Variants in CHODL observed in about 807,000 individuals in gnomAD.
The protein encoded by CHODL is transmembrane protein MT75.
Under a neutral mutation model 34.5 loss-of-function variants are expected in CHODL, and 29 were observed. The ratio of observed to expected loss-of-function variants is 0.84; its 90% CI spans 0.63 to 1.15. The LOEUF (loss-of-function observed/expected upper bound fraction) is 1.15, where lower values mean the gene tolerates loss of function less well. Among genes scored for constraint, CHODL ranks in the 50% most tolerant of loss-of-function variants. The probability of loss-of-function intolerance (pLI) is 0.00; values close to 1 mark genes in which losing one functional copy is unlikely to be tolerated. For missense variants in CHODL, 332 were observed against 332.5 expected (o/e 1.00, Z 0.01); for synonymous variants, 125 against 116.1 (o/e 1.08, Z -0.49).
chr21:18,143,487 T>C (rs1346326964), intron 2 of CHODL, among the ~76,000 whole-genome samples: 1 of 152,060 alleles, frequency 6.6e-6, no homozygotes, highest in Non-Finnish European at 1.5e-5. Context: ...AAATTGTGTT[T>C]AAAAAGTTTT....
chr21:17,967,395 TTTC>T (rs2063580901), intron 1 of CHODL, among the ~76,000 whole-genome samples: 1 of 152,220 alleles, frequency 6.6e-6, no homozygotes, highest in Non-Finnish European at 1.5e-5. Flanking sequence ...ACACATTCTT[TTTC>T]TTTCTGGCAT....
At chr21:17,933,273 G>A (rs1399116886) in intron 1 of CHODL, among the ~76,000 whole-genome samples, 2 of 152,160 alleles carry the variant, frequency 1.3e-5, no homozygotes, top group Admixed American at 6.5e-5. Context: ...CCATTTATGG[G>A]TGTCGGGCTG....
intron 2 of CHODL, among the ~76,000 whole-genome samples, chr21:18,205,793 G>C (rs963528414): frequency 6.7e-6 from 1 of 148,430 alleles, no homozygotes; most frequent in African/African-American, 2.5e-5. Context: ...CTGGAGTGCA[G>C]TGGTGCGATC....
At chr21:18,093,163 G>T (rs982372535) in intron 2 of CHODL, among the ~76,000 whole-genome samples, 2 of 152,122 alleles carry the variant, frequency 1.3e-5, no homozygotes, top group East Asian at 1.9e-4. Flanking sequence ...AACCTTACAG[G>T]CCAGGAGAGA....
intron 2 of CHODL, among the ~76,000 whole-genome samples, chr21:18,214,997 A>G (rs2073809982): frequency 6.6e-6 from 1 of 152,170 alleles, no homozygotes; most frequent in Admixed American, 6.5e-5. Context: ...ACAAGAAAAT[A>G]TAAGCAAAGA....
At chr21:18,168,556 G>T (rs1214981911) in intron 2 of CHODL, among the ~76,000 whole-genome samples, 4 of 152,086 alleles carry the variant, frequency 2.6e-5, no homozygotes, top group Non-Finnish European at 5.9e-5. Flanking sequence ...GTGCCTATTG[G>T]CCATTTGTAT....
intron 2 of CHODL, among the ~76,000 whole-genome samples, chr21:18,226,031 T>C (rs1436597924): frequency 1.3e-5 from 2 of 151,888 alleles, no homozygotes; most frequent in African/African-American, 2.4e-5. Flanking sequence ...ATCTAGCCCG[T>C]TGGGGAGAAA....
chr21:17,987,825 C>T (rs139969340), intron 1 of CHODL, among the ~76,000 whole-genome samples: 274 of 152,226 alleles, frequency 1.8e-3, no homozygotes, highest in Middle Eastern at 6.8e-3. Context: ...ATGAAAACTG[C>T]ACCACCTGCT....
chr21:18,130,073 G>C (rs1315474351), intron 2 of CHODL, among the ~76,000 whole-genome samples: 1 of 152,002 alleles, frequency 6.6e-6, no homozygotes, highest in Non-Finnish European at 1.5e-5. Flanking sequence ...GGGGCAAGTT[G>C]ATATCTATGT....
At chr21:18,008,653 A>G (rs2063982943) in intron 1 of CHODL, among the ~76,000 whole-genome samples, 1 of 152,152 alleles carries the variant, frequency 6.6e-6, no homozygotes, top group Non-Finnish European at 1.5e-5. Context: ...CTCTAGGTTT[A>G]TCCATATCTT....
chr21:18,122,975 C>T (rs566384328), intron 2 of CHODL, among the ~76,000 whole-genome samples: 1 of 152,214 alleles, frequency 6.6e-6, no homozygotes, highest in South Asian at 2.1e-4. Flanking sequence ...TATTTTACTT[C>T]CTATTTGAGA....
intron 2 of CHODL, among the ~76,000 whole-genome samples, chr21:18,093,030 A>G (rs2065092712): frequency 6.6e-6 from 1 of 152,188 alleles, no homozygotes; most frequent in African/African-American, 2.4e-5. Context: ...AAGACTACAT[A>G]TAGGAATTTA....
chr21:18,174,151 AT>A (rs2073273340), intron 2 of CHODL, among the ~76,000 whole-genome samples: 1 of 125,804 alleles, frequency 7.9e-6, no homozygotes, highest in African/African-American at 2.9e-5. Context: ...ATATATATAT[AT>A]ATATATATAA....
chr21:18,254,045 T>C (rs1433998969), intron 1 of CHODL, among the ~76,000 whole-genome samples: 2 of 152,138 alleles, frequency 1.3e-5, no homozygotes, highest in African/African-American at 4.8e-5. Flanking sequence ...AGTGTCATCA[T>C]AGGTCATTAA....
chr21:18,010,158 C>T (rs919458781), intron 1 of CHODL, among the ~76,000 whole-genome samples: 2 of 129,844 alleles, frequency 1.5e-5, no homozygotes, highest in African/African-American at 2.9e-5. Context: ...ATTAGCCGGG[C>T]GTGGTGGCGG....
chr21:17,982,925 A>G (rs2063725889), intron 1 of CHODL, among the ~76,000 whole-genome samples: 1 of 151,704 alleles, frequency 6.6e-6, no homozygotes, highest in Admixed American at 6.6e-5. Context: ...GGGTTTCACC[A>G]TGTTGGCCAG....
intron 1 of CHODL, among the ~76,000 whole-genome samples, chr21:18,016,018 T>C (rs2064069896): frequency 6.6e-6 from 1 of 152,182 alleles, no homozygotes; most frequent in Non-Finnish European, 1.5e-5. Context: ...GCAGCCTGAC[T>C]ATGGTAGGAA....
At chr21:17,969,095 C>G (rs1234920996) in intron 1 of CHODL, among the ~76,000 whole-genome samples, 2 of 152,160 alleles carry the variant, frequency 1.3e-5, no homozygotes, top group East Asian at 3.8e-4. Context: ...CTGAATTCTT[C>G]CAATTTATTA....
chr21:18,064,776 C>T (rs1056875287), intron 2 of CHODL, among the ~76,000 whole-genome samples: 3 of 152,098 alleles, frequency 2.0e-5, no homozygotes, highest in African/African-American at 7.2e-5. Flanking sequence ...CGCACACACA[C>T]GTATGTAAAT....
Sources: gnomAD v4.1 joint callset for allele counts (sites outside exome capture counted in the v4.1 genomes callset) on GRCh38, gnomAD v4.1.1 for gene constraint, MANE v1.5 for transcripts, NCBI Gene and HGNC (gene_info 2026-07-23, HGNC 2026-07-21) for gene names.